The following LAMA2 variants were observed in gnomAD, a reference collection of about 807,000 sequenced individuals.
LAMA2 encodes laminin subunit alpha-2.
In LAMA2, 269 loss-of-function variants were observed where a neutral mutation model predicts 364.8. The observed-to-expected ratio is 0.74, with a 90% CI of 0.67 to 0.82. The LOEUF (loss-of-function observed/expected upper bound fraction) is 0.82. Among genes scored for constraint, LAMA2 ranks in the 40% least tolerant of loss-of-function variants. LAMA2 has a pLI of 0.00. For synonymous variants in LAMA2, 1,379 were observed against 1,370.6 expected, an observed-to-expected ratio of 1.01 and a Z score of -0.14; for missense variants, 3,807 against 3,873.2, an observed-to-expected ratio of 0.98 and a Z score of 0.45.
chr6:129,502,837 C>A, intron 59 of LAMA2, 66 bp downstream of exon 59: 1 of 1,049,062 alleles, frequency 9.5e-7, no homozygotes, highest in South Asian at 1.3e-5. Flanking sequence ...TGTGTTTAAT[C>A]AAGTTGAATC....
intron 37 of LAMA2, among the ~76,000 whole-genome samples, chr6:129,399,430 C>T (rs1027917137): frequency 6.6e-5 from 10 of 152,142 alleles, no homozygotes; most frequent in African/African-American, 9.7e-5. Flanking sequence ...TTCCAGGTGA[C>T]GCTGATGCTG....
intron 51 of LAMA2, among the ~76,000 whole-genome samples, chr6:129,469,737 C>T (rs1431078259): frequency 6.6e-6 from 1 of 151,616 alleles, no homozygotes; most frequent in Non-Finnish European, 1.5e-5. Flanking sequence ...TTGTGGTATA[C>T]TCATACAATG....
At chr6:128,987,140 GT>G (rs764115716) in intron 1 of LAMA2, among the ~76,000 whole-genome samples, 21,405 of 121,578 alleles carry the variant, frequency 0.18, 1,811 homozygotes, top group African/African-American at 0.26. Context: ...TTTTTTTTTT[GT>G]TTTTTTTTTT....
At chr6:129,239,261 CT>C (rs1785230793) in intron 12 of LAMA2, among the ~76,000 whole-genome samples, 1 of 152,182 alleles carries the variant, frequency 6.6e-6, no homozygotes, top group Admixed American at 6.5e-5. Flanking sequence ...AGTGGCAGAG[CT>C]GAGTGTTTTG....
intron 3 of LAMA2, among the ~76,000 whole-genome samples, chr6:129,065,112 C>A (rs1339297271): frequency 6.6e-6 from 1 of 152,128 alleles, no homozygotes; most frequent in African/African-American, 2.4e-5. Flanking sequence ...CTTTGCAAAT[C>A]TATAAATGTG....
rs1775979431 is a variant in LAMA2 at position 129,108,821 on chromosome 6, A to G, written c.639+10406A>G. On this transcript the variant is annotated intron_variant, in intron 4 of 64. Transcript: ENST00000421865. ...TATTCCTCTAAAAGTTTACTATATG[A>G]AATGATTGACTAATGGTTGAACAAA... 3.9e-5 allele frequency among the ~76,000 whole-genome samples: 6 copies of G among 152,240 alleles called. No homozygotes were observed. The South Asian group carries it at 1.2e-3, about 32-fold the overall frequency.
At chr6:128,931,441 A>G (rs1193852101) in intron 1 of LAMA2, among the ~76,000 whole-genome samples, 1 of 152,220 alleles carries the variant, frequency 6.6e-6, no homozygotes, top group African/African-American at 2.4e-5. Context: ...GAATGAACGA[A>G]TGAAATTAAG....
At chr6:129,358,222 T>C (rs1392414972) in intron 32 of LAMA2, among the ~76,000 whole-genome samples, 1 of 151,960 alleles carries the variant, frequency 6.6e-6, no homozygotes, top group African/African-American at 2.4e-5. Context: ...AGGCTAACAA[T>C]GTGTGGAATG....
At chr6:129,507,857 A>C (rs1033416679) in intron 62 of LAMA2, among the ~76,000 whole-genome samples, 6 of 152,248 alleles carry the variant, frequency 3.9e-5, no homozygotes, top group African/African-American at 1.2e-4. Flanking sequence ...TAAAAGGTCT[A>C]TTTAGAGAAT....
At chr6:129,321,941 C>T (rs1346749334) in intron 28 of LAMA2, among the ~76,000 whole-genome samples, 1 of 152,182 alleles carries the variant, frequency 6.6e-6, no homozygotes, top group African/African-American at 2.4e-5. Context: ...GGACAGGTTA[C>T]TTGCTCTGTT....
chr6:129,208,397 G>T (rs1782823901), intron 12 of LAMA2, among the ~76,000 whole-genome samples: 1 of 151,930 alleles, frequency 6.6e-6, no homozygotes, highest in African/African-American at 2.4e-5. Context: ...CTCCAACTGG[G>T]CTTAATTTGA....
At chr6:129,498,642 A>T (rs1048811657) in intron 58 of LAMA2, among the ~76,000 whole-genome samples, 15 of 152,210 alleles carry the variant, frequency 9.9e-5, no homozygotes, top group African/African-American at 3.6e-4. Context: ...TAAGCACCAG[A>T]TGTGATTTTA....
intron 12 of LAMA2, among the ~76,000 whole-genome samples, chr6:129,248,727 T>C (rs1018903311): frequency 6.6e-6 from 1 of 152,154 alleles, no homozygotes; most frequent in Non-Finnish European, 1.5e-5. Context: ...ATATACAACA[T>C]AAAACTTTTT....
At chr6:129,300,994 A>G (rs1773516808) in intron 22 of LAMA2, 122 bp downstream of exon 22, 1 of 848,346 alleles carries the variant, frequency 1.2e-6, no homozygotes, top group Non-Finnish European at 2.0e-6. Flanking sequence ...GTATTACTAT[A>G]ATGTGATTAC....
intron 13 of LAMA2, 147 bp from the exon 14 acceptor site, chr6:129,251,937 A>G: frequency 1.6e-6 from 1 of 619,212 alleles, no homozygotes. Flanking sequence ...TCTGTCTCCA[A>G]AAAAAAATAA....
intron 34 of LAMA2, among the ~76,000 whole-genome samples, chr6:129,378,811 C>T (rs954599900): frequency 6.6e-6 from 1 of 152,156 alleles, no homozygotes; most frequent in Non-Finnish European, 1.5e-5. Context: ...TTCCTTTTCA[C>T]CTGTGTAAAA....
intron 28 of LAMA2, among the ~76,000 whole-genome samples, chr6:129,324,580 A>G (rs1775160446): frequency 1.3e-5 from 2 of 152,166 alleles, no homozygotes; most frequent in Admixed American, 1.3e-4. Flanking sequence ...TGATCTCCTC[A>G]TTGTGCAAAC....
intron 32 of LAMA2, among the ~76,000 whole-genome samples, chr6:129,357,410 A>T (rs1291205716): frequency 6.6e-6 from 1 of 152,060 alleles, no homozygotes; most frequent in Admixed American, 6.6e-5. Context: ...TTTTATAAAT[A>T]TCAAATTGGT....
chr6:129,382,093 A>G (rs1230092062), intron 34 of LAMA2, among the ~76,000 whole-genome samples: 1 of 152,212 alleles, frequency 6.6e-6, no homozygotes. Context: ...CTAGTATGCA[A>G]GCACTCTGGT....
Sources: gnomAD v4.1 joint callset for allele counts (sites outside exome capture counted in the v4.1 genomes callset) on GRCh38, gnomAD v4.1.1 for gene constraint, MANE v1.5 for transcripts, NCBI Gene and HGNC (gene_info 2026-07-23, HGNC 2026-07-21) for gene names.